The following OGT variants were observed in gnomAD, a reference collection of about 807,000 sequenced individuals.
OGT encodes UDP-N-acetylglucosamine--peptide N-acetylglucosaminyltransferase 110 kDa subunit.
In OGT, 3 loss-of-function variants were observed where a neutral mutation model predicts 75.8. That is an observed-to-expected ratio of 0.04 (90% CI 0.02 to 0.10). The LOEUF (loss-of-function observed/expected upper bound fraction) is 0.10, where lower values mean the gene tolerates loss of function less well. Ranked by LOEUF, OGT falls within the 10% of genes least tolerant of loss-of-function variation. The pLI, the probability that OGT is intolerant of heterozygous loss-of-function variation, is 1.00. For synonymous variants in OGT, 257 were observed against 289.7 expected, an observed-to-expected ratio of 0.89 and a Z score of 1.15; for missense variants, 260 against 824.4, an observed-to-expected ratio of 0.32 and a Z score of 8.38.
chrX:71,549,294 T>TC (rs1556059681), intron 5 of OGT, among the ~76,000 whole-genome samples: 1 of 17,487 alleles, frequency 5.7e-5, no homozygotes, highest in Non-Finnish European at 9.7e-5. Flanking sequence ...AGGCCCTGTC[T>TC]CAAAAAAAAA....
At chrX:71,547,807 T>C in intron 4 of OGT, 100 bp from the exon 5 acceptor site, 2 of 1,118,403 alleles carry the variant, frequency 1.8e-6, no homozygotes, top group Non-Finnish European at 2.4e-6. Flanking sequence ...TATCACCTTC[T>C]TCCCCCCCTC....
In OGT at chrX:71,573,659, A is replaced by T. The variant is rs1017709113; in HGVS notation, c.3006A>T (p.Ile1002=). The T allele has an allele frequency of 8.3e-7, 1 of 1,204,373 alleles. No individual in the cohort carries two copies. The highest frequency in any genetic ancestry group is 1.1e-6 in the Non-Finnish European group (1 of 893,204). Residue 1002 remains isoleucine (I), a synonymous_variant, in exon 22 of 22, where the codon ATA becomes ATT. Coordinates refer to ENST00000373719, the MANE Select transcript of OGT (RefSeq NM_181672.3). The part of the protein sequence containing the change: ...KVRGKVWKQR[I]SSPLFNTKQY... ...GTGGCAAAGTCTGGAAGCAAAGAATATCTAGCCCTCTGTTCAACACCAAAC... is the reference window on the plus strand; with the variant it reads ...GTGGCAAAGTCTGGAAGCAAAGAATTTCTAGCCCTCTGTTCAACACCAAAC...
chrX:71,557,864 C>T (rs766893476), intron 12 of OGT, among the ~76,000 whole-genome samples, 192 bp downstream of exon 12: 38 of 111,836 alleles, frequency 3.4e-4, no homozygotes, highest in Admixed American at 4.7e-4. Context: ...CTTCATAAGA[C>T]GGAATCCTTA....
At chrX:71,557,786 C>T (rs1225521618) in intron 12 of OGT, 114 bp downstream of exon 12, 7 of 676,591 alleles carry the variant, frequency 1.0e-5, no homozygotes, top group Admixed American at 8.4e-5. Context: ...CCACCCAAGT[C>T]GAGAAATAAA....
At position 71,567,631 on chromosome X, in the gene OGT, T is replaced by C; in HGVS notation, c.2721T>C (p.Pro907=). Residue 907 remains proline, a synonymous_variant, in exon 20 of 22, where the codon CCT becomes CCC. Transcript: ENST00000373719. ...GTATCATTTTTTCACCTGTTGCTCC[T>C]AAAGAGGAACACGTCAGGAGAGGCC... ...QNRIIFSPVA[P]KEEHVRRGQL... 8.3e-7 allele frequency: 1 copy of C among 1,211,559 alleles called. No homozygotes were observed. Among genetic ancestry groups the C allele is most frequent in the Non-Finnish European group, 1.1e-6 (1 of 895,245 alleles).
intron 21 of OGT, among the ~76,000 whole-genome samples, chrX:71,572,163 C>T (rs1005346935): frequency 6.3e-5 from 7 of 111,688 alleles, no homozygotes. Flanking sequence ...GTCTTTTTCA[C>T]CAACCCCCAG....
Position 71,560,034 on chromosome X carries a change from C to A in OGT, c.1851+357C>A, listed in dbSNP as rs773346220. On this transcript the variant is annotated intron_variant, in intron 14 of 21. Transcript: ENST00000373719. ...TGGTGACTCATGCCTGTAATCCCAG[C>A]ACTTTGGGAGGTCGAGGCGGGCAGA... is the stretch of plus-strand genomic sequence containing the variant. 2.7e-5 allele frequency among the ~76,000 whole-genome samples: 3 copies of A among 110,624 alleles called. No individual in the cohort carries two copies. The South Asian group carries it at 1.1e-3, about 42-fold the overall frequency.
At chrX:71,534,890 C>T (rs1345762211) in intron 1 of OGT, among the ~76,000 whole-genome samples, 1 of 111,707 alleles carries the variant, frequency 9.0e-6, no homozygotes, top group Admixed American at 9.5e-5. Flanking sequence ...GGATGCAAGT[C>T]TCAATGCTCT....
At chrX:71,536,477 A>G (rs1350259002) in intron 2 of OGT, 119 bp downstream of exon 2, 1 of 533,239 alleles carries the variant, frequency 1.9e-6, no homozygotes, top group Non-Finnish European at 2.8e-6. Context: ...TGAGCCGCCA[A>G]CGCACATCTG....
chrX:71,569,346 T>G (rs1316058846), intron 21 of OGT, among the ~76,000 whole-genome samples: 1 of 111,428 alleles, frequency 9.0e-6, no homozygotes, highest in Non-Finnish European at 1.9e-5. Context: ...AAGTTAGATC[T>G]TTGACCCTAA....
At chrX:71,533,756 C>T (rs956602041) in intron 1 of OGT, among the ~76,000 whole-genome samples, 1 of 109,543 alleles carries the variant, frequency 9.1e-6, no homozygotes, top group Non-Finnish European at 1.9e-5. Context: ...TCATCTCCCC[C>T]CCCAGTCTTT....
chrX:71,540,540 T>G (rs1450711764), intron 3 of OGT, among the ~76,000 whole-genome samples: 4 of 112,377 alleles, frequency 3.6e-5, no homozygotes, highest in African/African-American at 9.7e-5. Context: ...TATGTCAATT[T>G]AGAAGTTGTT....
At chrX:71,542,593 C>T (rs1055008856) in intron 3 of OGT, among the ~76,000 whole-genome samples, 1 of 111,756 alleles carries the variant, frequency 8.9e-6, no homozygotes, top group African/African-American at 3.3e-5. Flanking sequence ...CAACAGCTGG[C>T]TACTATGTAT....
intron 1 of OGT, among the ~76,000 whole-genome samples, chrX:71,535,129 T>G (rs1271328297): frequency 2.7e-5 from 3 of 110,560 alleles, no homozygotes; most frequent in African/African-American, 6.6e-5. Context: ...CAAGCAGTTT[T>G]TTTTTTTTTT....
At chrX:71,533,601 C>A (rs756522962) in intron 1 of OGT, among the ~76,000 whole-genome samples, 1 of 111,531 alleles carries the variant, frequency 9.0e-6, no homozygotes, top group Admixed American at 9.6e-5. Flanking sequence ...GCATTCCACT[C>A]TCTCCAGGCG....
intron 11 of OGT, 64 bp downstream of exon 11, chrX:71,557,360 C>A: frequency 9.5e-7 from 1 of 1,057,139 alleles, no homozygotes; most frequent in Non-Finnish European, 1.3e-6. Flanking sequence ...TGTTGTATGC[C>A]ATAAGAATCC....
Position 71,567,658 on chromosome X carries a change from G to A in OGT, c.2748G>A (p.Gln916=). ...APKEEHVRRG[Q]LADVCLDTPL... ...AAGAGGAACACGTCAGGAGAGGCCA[G>A]CTGGCTGATGTCTGCTTGGACACTC... is the stretch of plus-strand genomic sequence containing the variant. The change falls in exon 20 of 22, where the codon CAG becomes CAA. Residue 916 remains glutamine (Q), a synonymous_variant. Coordinates refer to ENST00000373719, the MANE Select transcript of OGT (RefSeq NM_181672.3). 3 of 1,211,084 alleles carry A rather than the reference G, an allele frequency of 2.5e-6. No homozygotes were observed. Among genetic ancestry groups the A allele is most frequent in the Non-Finnish European group, 3.4e-6 (3 of 894,942 alleles).
Position 71,543,265 on chromosome X carries a change from G to A in OGT, c.463-1302G>A, listed in dbSNP as rs73544851. Among the ~76,000 whole-genome samples the A allele has an allele frequency of 9.8e-3, 1,097 of 111,862 alleles. 18 individuals carry two copies. Among genetic ancestry groups the A allele is most frequent in the African/African-American group, 0.033 (1,020 of 30,778 alleles). ...TTAAGTCTCTTTCACCCATGGAACA[G>A]TTTGGAATAATAAGCATACTTCCTG... On this transcript the variant is annotated intron_variant, in intron 3 of 21. Transcript: ENST00000373719.
intron 14 of OGT, among the ~76,000 whole-genome samples, chrX:71,560,149 C>A (rs2040372182): frequency 2.8e-5 from 3 of 108,543 alleles, no homozygotes; most frequent in Non-Finnish European, 5.7e-5. Flanking sequence ...TGTGGTGGTG[C>A]ATTCCTGTAA....
Sources: gnomAD v4.1 joint callset for allele counts (sites outside exome capture counted in the v4.1 genomes callset) on GRCh38, gnomAD v4.1.1 for gene constraint, MANE v1.5 for transcripts, NCBI Gene and HGNC (gene_info 2026-07-23, HGNC 2026-07-21) for gene names.